Variants in TJP2 observed in about 807,000 individuals in gnomAD.
TJP2 encodes the protein Friedreich ataxia region gene X104 (tight junction protein ZO-2).
In TJP2, 91 loss-of-function variants were observed where a neutral mutation model predicts 133.1. That is an observed-to-expected ratio of 0.68 (90% CI 0.58 to 0.81). The LOEUF is 0.81. TJP2 is among the 40% of genes least tolerant of loss of function. The pLI, the probability that TJP2 is intolerant of heterozygous loss-of-function variation, is 0.00. For missense variants in TJP2, 1,541 were observed against 1,565.6 expected (o/e 0.98, Z 0.26); for synonymous variants, 592 against 583.4 (o/e 1.01, Z -0.21).
chr9:69,182,004 C>A (rs962360801), intron 1 of TJP2, among the ~76,000 whole-genome samples: 1 of 152,188 alleles, frequency 6.6e-6, no homozygotes, highest in Admixed American at 6.5e-5. Context: ...ATGGACTTCT[C>A]CCCGGGCCTC....
At chr9:69,200,159 C>T (rs564131933) in intron 1 of TJP2, among the ~76,000 whole-genome samples, 1 of 152,326 alleles carries the variant, frequency 6.6e-6, no homozygotes, top group African/African-American at 2.4e-5. Context: ...CCCGGCCGCA[C>T]TGAGTACTCG....
chr9:69,246,872 C>A, intron 18 of TJP2, 82 bp downstream of exon 18: 3 of 1,245,364 alleles, frequency 2.4e-6, no homozygotes, highest in Non-Finnish European at 3.5e-6. Flanking sequence ...TGTAGTCAAG[C>A]CATGCCCATT....
chr9:69,135,003 T>TC (rs1822667186), intron 1 of TJP2, among the ~76,000 whole-genome samples: 1 of 151,776 alleles, frequency 6.6e-6, no homozygotes, highest in African/African-American at 2.4e-5. Flanking sequence ...GAGATCTGTT[T>TC]CTCTCATTCT....
chr9:69,123,960 C>T (rs1822244909), intron 1 of TJP2, among the ~76,000 whole-genome samples: 1 of 76,474 alleles, frequency 1.3e-5, no homozygotes, highest in Non-Finnish European at 3.0e-5. Context: ...CTCCACCTCC[C>T]AGGTTCACGC....
chr9:69,134,976 G>GGAGA (rs56216843), intron 1 of TJP2, among the ~76,000 whole-genome samples: 25,061 of 148,782 alleles, frequency 0.17, 2,153 homozygotes, highest in Middle Eastern at 0.22. Flanking sequence ...AGAGAGAAGA[G>GGAGA]GAGAGAGAGA....
chr9:69,200,954 C>G (rs1826943994), intron 1 of TJP2, among the ~76,000 whole-genome samples: 1 of 152,116 alleles, frequency 6.6e-6, no homozygotes, highest in Non-Finnish European at 1.5e-5. Context: ...TAAAATCCTC[C>G]CTGTGAGGAA....
upstream of TJP2, chr9:69,174,244 C>T: frequency 6.6e-7 from 1 of 1,510,590 alleles, no homozygotes; most frequent in South Asian, 1.3e-5. Flanking sequence ...TGGGTCCCCG[C>T]GGGTCGGCAC....
At position 69,127,260 on chromosome 9, in the gene TJP2, G is replaced by A. The variant is rs1158656736; in HGVS notation, c.-131+5535G>A. On this transcript the variant is annotated intron_variant, in intron 1 of 5. Transcript: ENST00000423935. ...AATTTTTTGTATTTTTAGTAGAAAC[G>A]GGGTTTCACCATGTTAGCCAGGATG... Among the ~76,000 whole-genome samples, 2 of 74,708 alleles carry A rather than the reference G, an allele frequency of 2.7e-5. 1 individual carries two copies. Among genetic ancestry groups the A allele is most frequent in the African/African-American group, 8.2e-5 (2 of 24,506 alleles). 49.0% of individuals were successfully genotyped at this position (74,708 alleles called of 152,430 possible). A position where few individuals can be genotyped will look rare whatever the true frequency, so the allele number is the denominator to read the frequency against.
rs1303177847 is a variant in TJP2 at position 69,139,314 on chromosome 9, C to A, written c.-130-12337C>A. Among the ~76,000 whole-genome samples, 81 of 152,168 alleles carry A rather than the reference C, an allele frequency of 5.3e-4. 1 individual carries two copies. Among genetic ancestry groups the A allele is most frequent in the Non-Finnish European group, 2.9e-5 (2 of 68,036 alleles). On this transcript the variant is annotated intron_variant, in intron 1 of 5. Coordinates refer to the TJP2 transcript ENST00000423935. Reference sequence around the variant, plus strand: ...CAAAATTTCTATGTTCAAGTCCTAACCCCCAGTTCCTCAGAATGTGCCTTT... The same window carrying A: ...CAAAATTTCTATGTTCAAGTCCTAAACCCCAGTTCCTCAGAATGTGCCTTT...
chr9:69,126,093 T>C lies in TJP2; in HGVS notation c.-131+4368T>C, dbSNP rs185275775. Reference sequence around the variant, plus strand: ...CATGGTTCTTTTCCTGGTCCTCCCATTGTAGAATAAGAAATTCCTACCTAC... The same window carrying C: ...CATGGTTCTTTTCCTGGTCCTCCCACTGTAGAATAAGAAATTCCTACCTAC... On this transcript the variant is annotated intron_variant, in intron 1 of 5. Transcript: ENST00000423935. 1.8e-4 allele frequency among the ~76,000 whole-genome samples: 14 copies of C among 76,652 alleles called. 5 individuals are homozygous for C. In the East Asian group the frequency reaches 5.5e-3, roughly 30 times the overall value. The allele number at this position is 76,652 out of a possible 152,430, so 50.3% of individuals were successfully genotyped here.
chr9:69,253,773 A>G (rs1302621874), intron 22 of TJP2: 1 of 291,246 alleles, frequency 3.4e-6, no homozygotes, highest in African/African-American at 2.2e-5. Context: ...TGGAAGCTGA[A>G]GTCTAGTTTT....
chr9:69,216,386 C>T lies in TJP2; in HGVS notation c.162C>T (p.Asn54=), dbSNP rs1301388303. The T allele has an allele frequency of 6.2e-7, 1 of 1,613,996 alleles. No homozygotes were observed. The highest frequency in any genetic ancestry group is 8.5e-7 in the Non-Finnish European group (1 of 1,180,010). The change falls in exon 3 of 23, where the codon AAC becomes AAT. Residue 54 remains asparagine, a synonymous_variant. Coordinates refer to ENST00000377245, the MANE Select transcript of TJP2 (RefSeq NM_004817.4). The part of the protein sequence containing the change: ...FGIAVSGGRD[N]PHFENGETSI... ...TTGCAGTGTCCGGAGGCAGAGACAA[C>T]CCCCACTTTGAAAATGGAGAAACGT...
At chr9:69,233,154 C>G (rs1048680628) in intron 11 of TJP2, among the ~76,000 whole-genome samples, 3 of 152,214 alleles carry the variant, frequency 2.0e-5, no homozygotes, top group African/African-American at 7.2e-5. Flanking sequence ...ATACTAAATA[C>G]TGTTTCAAAG....
At chr9:69,234,582 G>A in intron 12 of TJP2, 35 bp downstream of exon 12, 1 of 1,231,056 alleles carries the variant, frequency 8.1e-7, no homozygotes, top group Admixed American at 1.8e-5. Flanking sequence ...TAGTTGGGGT[G>A]GGGGTGGGGA....
intron 1 of TJP2, among the ~76,000 whole-genome samples, chr9:69,205,586 A>G (rs1381681851): frequency 1.3e-5 from 2 of 152,208 alleles, no homozygotes; most frequent in African/African-American, 4.8e-5. Flanking sequence ...GTTTTGGGAT[A>G]AAACTTTTTG....
chr9:69,222,188 T>C (rs979948982), intron 5 of TJP2, among the ~76,000 whole-genome samples: 3 of 146,206 alleles, frequency 2.1e-5, no homozygotes, highest in African/African-American at 7.7e-5. Context: ...CTTTTTTTTT[T>C]TTTTGAGACA....
At chr9:69,159,435 CATTT>C (rs1284689775) in intron 2 of TJP2, among the ~76,000 whole-genome samples, 2 of 152,048 alleles carry the variant, frequency 1.3e-5, no homozygotes, top group African/African-American at 4.8e-5. Flanking sequence ...AGTAATCAAA[CATTT>C]ATGCATATAT....
chr9:69,193,280 G>A lies in TJP2; in HGVS notation c.60+18848G>A, dbSNP rs887101898. On this transcript the variant is annotated intron_variant, in intron 1 of 22. Transcript: ENST00000377245. ...AATTATGTTTTGAAATTTTCAATTCGTAGGGAACCGGCAGTCTCTCCCTTT... is the reference window on the plus strand; with the variant it reads ...AATTATGTTTTGAAATTTTCAATTCATAGGGAACCGGCAGTCTCTCCCTTT... Among the ~76,000 whole-genome samples, 5 of 151,830 alleles carry A rather than the reference G, an allele frequency of 3.3e-5. No individual in the cohort carries two copies. In the South Asian group the frequency reaches 8.3e-4, roughly 25 times the overall value.
chr9:69,197,652 G>GTACTGAGCAATGCTCTCCAGAAGCAT (rs1418164440), intron 1 of TJP2, among the ~76,000 whole-genome samples: 433 of 152,232 alleles, frequency 2.8e-3, no homozygotes, highest in African/African-American at 1.0e-2. Context: ...CCTGTGATGG[G>GTACTGAGCAATGCTCTCCAGAAGCAT]TACTGAGCAA....
Sources: allele counts gnomAD v4.1 joint callset (sites outside exome capture counted in the v4.1 genomes callset), GRCh38; gene constraint gnomAD v4.1.1; transcripts MANE v1.5; gene names NCBI Gene and HGNC (gene_info 2026-07-23, HGNC 2026-07-21).